SLC5A4: variants seen among roughly 807,000 people sequenced by gnomAD.
SLC5A4 encodes the protein probable glucose sensor protein SLC5A4.
Under a neutral mutation model 70.3 loss-of-function variants are expected in SLC5A4, and 55 were observed. That is an observed-to-expected ratio of 0.78 (90% CI 0.63 to 0.98). The LOEUF (loss-of-function observed/expected upper bound fraction) is 0.98, where lower values mean the gene tolerates loss of function less well. Among genes scored for constraint, SLC5A4 ranks in the 50% least tolerant of loss-of-function variants. The pLI is 0.00. For synonymous variants in SLC5A4, 268 were observed against 305.7 expected (o/e 0.88, Z 1.29); for missense variants, 735 against 839.2 (o/e 0.88, Z 1.53).
chr22:32,271,875 C>A, the SLC5A4 span: 1 of 598,540 alleles, frequency 1.7e-6, no homozygotes. Flanking sequence ...CACTGTGTGG[C>A]TTACCATGTG....
chr22:32,227,375 C>G lies in SLC5A4; in HGVS notation c.1281-1552G>C, dbSNP rs533763168. 1.9e-4 allele frequency among the ~76,000 whole-genome samples: 29 copies of G among 152,310 alleles called. No homozygotes were observed. In the South Asian group the frequency reaches 4.4e-3, roughly 23 times the overall value. ...ACTCCTGCCCTACTGTACTCCCTCT[C>G]CTACAGCATTTGTCCAGAGTCAAGC... On this transcript the variant is annotated intron_variant, in intron 11 of 14. Transcript: ENST00000266086.
chr22:32,286,721 G>A, the SLC5A4 span, among the ~76,000 whole-genome samples: 2 of 152,186 alleles, frequency 1.3e-5, no homozygotes, highest in African/African-American at 4.8e-5. Flanking sequence ...CTTGCATTAA[G>A]AAGGCTAAGA....
the SLC5A4 span, among the ~76,000 whole-genome samples, chr22:32,307,635 C>T: frequency 5.9e-5 from 9 of 152,180 alleles, no homozygotes; most frequent in Admixed American, 5.2e-4. Flanking sequence ...CGGGTCACAA[C>T]CCCCAAAGTT....
chr22:32,305,763 GAA>G, the SLC5A4 span, among the ~76,000 whole-genome samples: 1 of 151,322 alleles, frequency 6.6e-6, no homozygotes, highest in African/African-American at 2.4e-5. Context: ...TACGAGATGA[GAA>G]ACAAGAGGCA....
At chr22:32,281,549 GA>G in the SLC5A4 span, among the ~76,000 whole-genome samples, 1 of 152,122 alleles carries the variant, frequency 6.6e-6, no homozygotes, top group African/African-American at 2.4e-5. Context: ...TATTTTTTGA[GA>G]TGGGGTCTCA....
intron 5 of SLC5A4, among the ~76,000 whole-genome samples, chr22:32,244,523 C>CTT (rs1926711702): frequency 6.6e-6 from 1 of 152,246 alleles, no homozygotes; most frequent in South Asian, 2.1e-4. Flanking sequence ...AAGTAGTTGA[C>CTT]ATATTATCAA....
chr22:32,253,785 C>CT (rs112881344), intron 2 of SLC5A4, among the ~76,000 whole-genome samples: 22,613 of 146,866 alleles, frequency 0.15, 1,870 homozygotes, highest in African/African-American at 0.24. Flanking sequence ...TCTACATTCA[C>CT]TTTTTTTTTT....
At chr22:32,325,290 G>A in the SLC5A4 span, among the ~76,000 whole-genome samples, 1 of 152,382 alleles carries the variant, frequency 6.6e-6, no homozygotes, top group South Asian at 2.1e-4. Flanking sequence ...AGCCACACCA[G>A]GACCCCAAAA....
the SLC5A4 span, among the ~76,000 whole-genome samples, chr22:32,294,150 T>C: frequency 6.6e-6 from 1 of 152,194 alleles, no homozygotes; most frequent in Admixed American, 6.5e-5. Context: ...TCAAATAGTA[T>C]TTCTCCTCCA....
chr22:32,269,357 G>A, the SLC5A4 span: 4 of 366,866 alleles, frequency 1.1e-5, no homozygotes, highest in Non-Finnish European at 2.1e-5. This position sits in a 1 kb window ranked among gnomAD's most constrained non-coding sequence, Gnocchi z 4.1. Context: ...GATTCCATAG[G>A]AGTGGGCTGG....
At chr22:32,301,615 A>T in the SLC5A4 span, among the ~76,000 whole-genome samples, 1 of 152,188 alleles carries the variant, frequency 6.6e-6, no homozygotes, top group African/African-American at 2.4e-5. Context: ...TAAATTCAAC[A>T]AAGTCCCTCT....
At chr22:32,240,776 C>T (rs184397254) in intron 5 of SLC5A4, among the ~76,000 whole-genome samples, 24 of 152,210 alleles carry the variant, frequency 1.6e-4, no homozygotes, top group African/African-American at 5.3e-4. Flanking sequence ...GGAATTTGTC[C>T]TAGATCACCC....
chr22:32,234,786 T>C, intron 8 of SLC5A4, 87 bp downstream of exon 8: 1 of 959,910 alleles, frequency 1.0e-6, no homozygotes, highest in South Asian at 1.4e-5. Flanking sequence ...TGTTTTTCTA[T>C]GAGACAAGAA....
At chr22:32,346,424 T>C in the SLC5A4 span, among the ~76,000 whole-genome samples, 2 of 152,050 alleles carry the variant, frequency 1.3e-5, no homozygotes, top group African/African-American at 2.4e-5. Context: ...AGAACAAAGC[T>C]GGAGGCATCA....
the SLC5A4 span, among the ~76,000 whole-genome samples, chr22:32,299,014 CGA>C: frequency 7.2e-6 from 1 of 139,546 alleles, no homozygotes; most frequent in Non-Finnish European, 1.5e-5. Flanking sequence ...GGGTTTCTGC[CGA>C]GAGATCCGCT....
the SLC5A4 span, among the ~76,000 whole-genome samples, chr22:32,291,783 CTT>C: frequency 6.7e-6 from 1 of 149,656 alleles, no homozygotes; most frequent in African/African-American, 2.4e-5. Flanking sequence ...ATTTATATTT[CTT>C]GTTTTCCCAA....
At chr22:32,309,676 A>G in the SLC5A4 span, among the ~76,000 whole-genome samples, 3 of 151,896 alleles carry the variant, frequency 2.0e-5, no homozygotes, top group Non-Finnish European at 2.9e-5. Flanking sequence ...CCTGCTTTCC[A>G]CACCGAGTGT....
chr22:32,246,309 A>G (rs998079091), intron 5 of SLC5A4, among the ~76,000 whole-genome samples: 3 of 152,178 alleles, frequency 2.0e-5, no homozygotes, highest in Non-Finnish European at 4.4e-5. Context: ...TTCACTTCCA[A>G]CAACAACTCG....
At chr22:32,242,091 A>G (rs1458487824) in intron 5 of SLC5A4, among the ~76,000 whole-genome samples, 1 of 152,106 alleles carries the variant, frequency 6.6e-6, no homozygotes, top group East Asian at 1.9e-4. Context: ...GAATATATCT[A>G]TTTATGTGTG....
Sources: gnomAD v4.1 joint callset for allele counts (sites outside exome capture counted in the v4.1 genomes callset) on GRCh38, gnomAD v4.1.1 for gene constraint, Gnocchi (gnomAD v3.1) non-coding constraint, MANE v1.5 for transcripts, NCBI Gene and HGNC (gene_info 2026-07-23, HGNC 2026-07-21) for gene names.